Variants in MRC1 observed in about 807,000 individuals in gnomAD.
MRC1 encodes macrophage mannose receptor 1.
In MRC1, 62 loss-of-function variants were observed where a neutral mutation model predicts 102.9. That is an observed-to-expected ratio of 0.60 (90% CI 0.49 to 0.74). MRC1 has a LOEUF of 0.74. Among genes scored for constraint, MRC1 ranks in the 30% least tolerant of loss-of-function variants. MRC1 has a pLI of 0.00. For missense variants in MRC1, 1,237 were observed against 862.8 expected, an observed-to-expected ratio of 1.43 and a Z score of -5.43; for synonymous variants, 457 against 298.4, an observed-to-expected ratio of 1.53 and a Z score of -5.48.
rs1009493417 is a variant in MRC1 at position 17,821,441 on chromosome 10, A to C, written c.62-1633A>C. The stretch of plus-strand genomic sequence containing the variant: ...CTGCAGTGGTTAATTTTATGTGTCA[A>C]CATGGCTGGGTCTTGGTACCCAGAT... On this transcript the variant is annotated intron_variant, in intron 1 of 29. Transcript: ENST00000569591. Among the ~76,000 whole-genome samples the C allele has an allele frequency of 2.6e-5, 4 of 152,194 alleles. No individual in the cohort carries two copies. The East Asian group carries it at 7.7e-4, about 29-fold the overall frequency.
At chr10:17,814,037 C>A (rs947162094) in intron 1 of MRC1, among the ~76,000 whole-genome samples, 4 of 152,118 alleles carry the variant, frequency 2.6e-5, no homozygotes, top group African/African-American at 9.7e-5. Context: ...GTTTAATCTA[C>A]AAATATTGCA....
chr10:17,843,830 G>GT (rs1838785622), intron 5 of MRC1, among the ~76,000 whole-genome samples: 1 of 152,128 alleles, frequency 6.6e-6, no homozygotes, highest in South Asian at 2.1e-4. Flanking sequence ...TGTGGAGCAG[G>GT]TAATATGATT....
At chr10:17,908,310 C>T (rs1833923367) in intron 28 of MRC1, among the ~76,000 whole-genome samples, 1 of 152,306 alleles carries the variant, frequency 6.6e-6, no homozygotes, top group South Asian at 2.1e-4. Flanking sequence ...GAATCTTGCT[C>T]TGCCACCAGG....
intron 8 of MRC1, among the ~76,000 whole-genome samples, chr10:17,853,977 T>A (rs1022511129): frequency 2.0e-5 from 3 of 152,154 alleles, no homozygotes; most frequent in African/African-American, 4.8e-5. Context: ...GTTTGTTTGT[T>A]TGTTTTTTAA....
chr10:17,835,551 G>T (rs369827206), intron 4 of MRC1, among the ~76,000 whole-genome samples: 1 of 151,886 alleles, frequency 6.6e-6, no homozygotes, highest in Non-Finnish European at 1.5e-5. Flanking sequence ...GCGTCAGAGG[G>T]GGAAATAGCT....
intron 9 of MRC1, among the ~76,000 whole-genome samples, chr10:17,859,320 T>G (rs1833143843): frequency 6.6e-6 from 1 of 152,080 alleles, no homozygotes; most frequent in South Asian, 2.1e-4. Flanking sequence ...TATGGCTTGT[T>G]GTTGTTGTTG....
rs782407717 is a variant in MRC1 at position 17,880,602 on chromosome 10, A to G, written c.2797A>G (p.Thr933Ala). 6 of 780,736 alleles carry G rather than the reference A, an allele frequency of 7.7e-6. No individual in the cohort carries two copies. The highest frequency in any genetic ancestry group is 3.4e-5 in the African/African-American group (2 of 59,142). 48.4% of individuals were successfully genotyped at this position (780,736 alleles called of 1,614,324 possible). A position where few individuals can be genotyped will look rare whatever the true frequency, so the allele number is the denominator to read the frequency against. The change falls in exon 20 of 30, where the codon ACA (threonine) becomes GCA (alanine). Residue 933 changes from threonine to alanine, a missense_variant. Physicochemically the swap from Thr to Ala is moderately conservative, Grantham distance 58 (BLOSUM62 0). Transcript: ENST00000569591. ...QRHNSSINAT[T>A]VMPTMPSVPS... ...ACATAACAGTAGTATCAATGCTACC[A>G]CAGTTATGCCTACCATGCCCTCGGT...
chr10:17,821,893 G>T (rs980553142), intron 1 of MRC1, among the ~76,000 whole-genome samples: 2 of 152,120 alleles, frequency 1.3e-5, no homozygotes, highest in African/African-American at 4.8e-5. Flanking sequence ...AAAGAACAAG[G>T]TGAATGCATG....
At chr10:17,828,298 G>C (rs1259813264) in intron 3 of MRC1, among the ~76,000 whole-genome samples, 3 of 151,370 alleles carry the variant, frequency 2.0e-5, no homozygotes, top group Admixed American at 1.3e-4. Flanking sequence ...GGATGGTCTC[G>C]ATCTGCTAAC....
At chr10:17,815,510 A>G (rs1286328084) in intron 1 of MRC1, among the ~76,000 whole-genome samples, 19 of 143,650 alleles carry the variant, frequency 1.3e-4, no homozygotes, top group African/African-American at 4.6e-4. Flanking sequence ...GAGGGTTCAC[A>G]GTCCAGGACA....
intron 23 of MRC1, among the ~76,000 whole-genome samples, chr10:17,897,184 A>G (rs1311898317): frequency 1.3e-5 from 2 of 152,238 alleles, no homozygotes; most frequent in Non-Finnish European, 2.9e-5. Flanking sequence ...CAGGATACAA[A>G]GACAGACCAC....
intron 27 of MRC1, 26 bp from the exon 28 acceptor site, chr10:17,907,508 C>A: frequency 1.3e-6 from 1 of 780,432 alleles, no homozygotes; most frequent in Non-Finnish European, 2.4e-6. Context: ...TAACTTTTGT[C>A]TTTATTGGTT....
chr10:17,896,675 A>G (rs1273726530), intron 23 of MRC1, among the ~76,000 whole-genome samples: 1 of 152,216 alleles, frequency 6.6e-6, no homozygotes, highest in African/African-American at 2.4e-5. Flanking sequence ...TCATGCCTGT[A>G]ATTCTAGCAC....
Position 17,860,831 on chromosome 10 carries a change from T to C in MRC1, c.1519-556T>C, listed in dbSNP as rs936783495. On this transcript the variant is annotated intron_variant, in intron 9 of 29. Transcript: ENST00000569591. ...AAATAGTTTTCGTTGCAAGATACATTATAAGTGGAGAGAATGGCTGCCCCC... is the reference window on the plus strand; with the variant it reads ...AAATAGTTTTCGTTGCAAGATACATCATAAGTGGAGAGAATGGCTGCCCCC... Among the ~76,000 whole-genome samples the C allele has an allele frequency of 3.3e-5, 5 of 152,330 alleles. No homozygotes were observed. In the East Asian group the frequency reaches 7.7e-4, roughly 24 times the overall value.
intron 5 of MRC1, 90 bp from the exon 6 acceptor site, chr10:17,845,199 C>T (rs1554840136): frequency 1.3e-6 from 1 of 780,152 alleles, no homozygotes; most frequent in African/African-American, 1.7e-5. Flanking sequence ...CATTGAATCC[C>T]CAGGATGAAG....
intron 21 of MRC1, among the ~76,000 whole-genome samples, chr10:17,884,428 G>C (rs1833561658): frequency 1.3e-5 from 2 of 152,190 alleles, no homozygotes; most frequent in Non-Finnish European, 2.9e-5. Flanking sequence ...TTTGATAGCT[G>C]TGTTAGTCTG....
At chr10:17,816,953 T>TA (rs1181571565) in intron 1 of MRC1, among the ~76,000 whole-genome samples, 3 of 151,864 alleles carry the variant, frequency 2.0e-5, no homozygotes, top group Admixed American at 6.6e-5. Flanking sequence ...TAAAAATGCT[T>TA]AAAAAAAATC....
At position 17,840,750 on chromosome 10, in the gene MRC1, A is replaced by G. The variant is rs1838737545; in HGVS notation, c.860A>G (p.Asn287Ser). 4 of 780,764 alleles carry G rather than the reference A, an allele frequency of 5.1e-6. No homozygotes were observed. The South Asian group carries it at 5.4e-5, about 10-fold the overall frequency. The allele number at this position is 780,764 out of a possible 1,614,324, so 48.4% of individuals were successfully genotyped here. ...ATTGGACTTAACAGTCTGAGCTTCAACAGCGGTTGGCAGTGGAGTGACCGC... is the reference window on the plus strand; with the variant it reads ...ATTGGACTTAACAGTCTGAGCTTCAGCAGCGGTTGGCAGTGGAGTGACCGC... Reference protein sequence around the residue: ...LWIGLNSLSFNSGWQWSDRSP... With the variant: ...LWIGLNSLSFSSGWQWSDRSP... Residue 287 changes from asparagine (N) to serine (S), a missense_variant, in exon 5 of 30, where the codon AAC (asparagine) becomes AGC (serine). Physicochemically the swap from Asn to Ser is conservative, Grantham distance 46. Coordinates refer to ENST00000569591, the MANE Select transcript of MRC1 (RefSeq NM_002438.4).
chr10:17,900,186 G>A (rs1484284278), intron 24 of MRC1, among the ~76,000 whole-genome samples: 1 of 151,402 alleles, frequency 6.6e-6, no homozygotes, highest in African/African-American at 2.4e-5. Context: ...GATGTCATAT[G>A]GCCGAAAGAC....
Sources: allele counts gnomAD v4.1 joint callset (sites outside exome capture counted in the v4.1 genomes callset), GRCh38; gene constraint gnomAD v4.1.1; transcripts MANE v1.5; gene names NCBI Gene and HGNC (gene_info 2026-07-23, HGNC 2026-07-21).